STARD3NL: variants seen among roughly 807,000 people sequenced by gnomAD.
STARD3NL encodes the protein STARD3 N-terminal-like protein.
Under a neutral mutation model 30.9 loss-of-function variants are expected in STARD3NL, and 17 were observed. That is an observed-to-expected ratio of 0.55 (90% CI 0.38 to 0.82). STARD3NL has a LOEUF of 0.82. Ranked by LOEUF, STARD3NL falls within the 40% of genes least tolerant of loss-of-function variation. The pLI is 0.00. For missense variants in STARD3NL, 234 were observed against 277.6 expected (o/e 0.84, Z 1.12); for synonymous variants, 112 against 100.5 (o/e 1.11, Z -0.69).
chr7:38,214,570 C>T (rs1785993708), intron 3 of STARD3NL, 136 bp downstream of exon 3: 2 of 544,154 alleles, frequency 3.7e-6, no homozygotes, highest in Non-Finnish European at 3.2e-6. Flanking sequence ...CTTTTAATTC[C>T]CCACCCATTC....
At chr7:38,182,354 A>G (rs1351768003) in intron 1 of STARD3NL, among the ~76,000 whole-genome samples, 2 of 152,218 alleles carry the variant, frequency 1.3e-5, no homozygotes, top group African/African-American at 4.8e-5. Flanking sequence ...TTGAAGGCAC[A>G]CTGTCACAAA....
At chr7:38,221,120 T>C (rs965811505) in intron 7 of STARD3NL, among the ~76,000 whole-genome samples, 5 of 152,190 alleles carry the variant, frequency 3.3e-5, no homozygotes, top group Non-Finnish European at 5.9e-5. Context: ...TGATGATGGC[T>C]GCACAACAGC....
intron 1 of STARD3NL, among the ~76,000 whole-genome samples, chr7:38,193,506 G>A (rs12112821): frequency 0.06 from 9,194 of 152,240 alleles, 915 homozygotes; most frequent in African/African-American, 0.21. Flanking sequence ...CACTGTGTTA[G>A]CCAGGATGTT....
chr7:38,203,673 C>T (rs1166237449), intron 1 of STARD3NL, among the ~76,000 whole-genome samples: 1 of 152,170 alleles, frequency 6.6e-6, no homozygotes, highest in Non-Finnish European at 1.5e-5. Context: ...AATTAAAAGA[C>T]ACAGACTGGC....
chr7:38,193,577 C>T (rs1171861152), intron 1 of STARD3NL, among the ~76,000 whole-genome samples: 1 of 152,288 alleles, frequency 6.6e-6, no homozygotes, highest in African/African-American at 2.4e-5. Context: ...GGATTACAGG[C>T]GTGAGCCACT....
chr7:38,223,529 G>A (rs147382275), intron 7 of STARD3NL, among the ~76,000 whole-genome samples: 55 of 152,260 alleles, frequency 3.6e-4, no homozygotes, highest in African/African-American at 1.3e-3. Context: ...TCTAGATAAG[G>A]CATTCATTAC....
intron 1 of STARD3NL, among the ~76,000 whole-genome samples, chr7:38,204,072 T>C (rs1440252003): frequency 6.6e-6 from 1 of 152,098 alleles, no homozygotes; most frequent in Non-Finnish European, 1.5e-5. Context: ...ATTAGACAGA[T>C]CAACGAGACA....
intron 1 of STARD3NL, among the ~76,000 whole-genome samples, chr7:38,187,680 CTATCT>C (rs1718301111): frequency 6.6e-6 from 1 of 152,044 alleles, no homozygotes; most frequent in African/African-American, 2.4e-5. Flanking sequence ...TTATTTCTGC[CTATCT>C]TATGTTTTAA....
chr7:38,191,573 G>A (rs2116014111), intron 1 of STARD3NL, among the ~76,000 whole-genome samples: 1 of 152,258 alleles, frequency 6.6e-6, no homozygotes. Context: ...CCTGGTGTGA[G>A]TTAGGGTTTG....
At chr7:38,194,245 T>C (rs1784812962) in intron 1 of STARD3NL, among the ~76,000 whole-genome samples, 1 of 152,190 alleles carries the variant, frequency 6.6e-6, no homozygotes, top group African/African-American at 2.4e-5. Flanking sequence ...GTACTCCCTT[T>C]ATTAGTACTT....
intron 1 of STARD3NL, among the ~76,000 whole-genome samples, chr7:38,200,959 TTTC>T (rs770751665): frequency 3.5e-4 from 53 of 152,194 alleles, no homozygotes; most frequent in Admixed American, 8.5e-4. Context: ...CAAACTAATT[TTTC>T]TTCTTCTCTA....
At chr7:38,217,117 A>G (rs753942172) in intron 5 of STARD3NL, 39 bp downstream of exon 5, 8 of 1,613,844 alleles carry the variant, frequency 5.0e-6, no homozygotes, top group South Asian at 1.1e-5. Flanking sequence ...TACCATCTTC[A>G]GTGATGAAGC....
intron 2 of STARD3NL, among the ~76,000 whole-genome samples, chr7:38,213,677 A>G (rs760012599): frequency 2.6e-5 from 4 of 152,168 alleles, no homozygotes; most frequent in African/African-American, 7.2e-5. Context: ...TAAAAGTATT[A>G]TGCTCCATAG....
intron 2 of STARD3NL, among the ~76,000 whole-genome samples, chr7:38,210,291 T>C (rs1785724175): frequency 6.6e-6 from 1 of 152,254 alleles, no homozygotes; most frequent in South Asian, 2.1e-4. Context: ...TGCCTTGTGA[T>C]GTAGTCTTTA....
chr7:38,188,521 T>C lies in STARD3NL; in HGVS notation c.-59+10101T>C, dbSNP rs375579619. On this transcript the variant is annotated intron_variant, in intron 1 of 8. Transcript: ENST00000009041. Reference sequence around the variant, plus strand: ...AAGGTAAACTCTGTGAGGATAGATGTTTTGTTCATCACCATGGGAGTGCTC... The same window carrying C: ...AAGGTAAACTCTGTGAGGATAGATGCTTTGTTCATCACCATGGGAGTGCTC... 1.0e-3 allele frequency among the ~76,000 whole-genome samples: 155 copies of C among 152,338 alleles called. 4 individuals are homozygous for C. In the South Asian group the frequency reaches 0.031, roughly 31 times the overall value.
intron 1 of STARD3NL, among the ~76,000 whole-genome samples, chr7:38,197,685 G>A (rs550393755): frequency 1.3e-5 from 2 of 152,266 alleles, no homozygotes; most frequent in African/African-American, 4.8e-5. Flanking sequence ...TGTTCCTCAT[G>A]TCACATGGGT....
At chr7:38,192,004 C>G (rs138530672) in intron 1 of STARD3NL, among the ~76,000 whole-genome samples, 1 of 152,180 alleles carries the variant, frequency 6.6e-6, no homozygotes, top group African/African-American at 2.4e-5. Context: ...TGAATTCTTC[C>G]AATCCATGAA....
chr7:38,228,964 G>A (rs958084168), intron 8 of STARD3NL, 93 bp downstream of exon 8: 1 of 836,924 alleles, frequency 1.2e-6, no homozygotes, highest in Non-Finnish European at 1.8e-6. Flanking sequence ...GAATAAGAGT[G>A]TAAGGATAGC....
chr7:38,211,392 G>C (rs1785793861), intron 2 of STARD3NL, among the ~76,000 whole-genome samples: 1 of 152,138 alleles, frequency 6.6e-6, no homozygotes, highest in Non-Finnish European at 1.5e-5. Context: ...CTTGGGGAGA[G>C]GGTTTGGAGA....
Sources: gnomAD v4.1 joint callset for allele counts (sites outside exome capture counted in the v4.1 genomes callset) on GRCh38, gnomAD v4.1.1 for gene constraint, MANE v1.5 for transcripts, NCBI Gene and HGNC (gene_info 2026-07-23, HGNC 2026-07-21) for gene names.